SESN2: variants seen among roughly 807,000 people sequenced by gnomAD.
SESN2 encodes sestrin 2, also known as sestrin-2.
A neutral mutation model predicts 56.0 loss-of-function variants in SESN2; 42 were observed. The ratio of observed to expected loss-of-function variants is 0.75; its 90% CI spans 0.59 to 0.97. SESN2 has a LOEUF of 0.97. SESN2 is among the 50% of genes least tolerant of loss of function. SESN2 has a pLI of 0.00. For synonymous variants in SESN2, 264 were observed against 267.1 expected, an observed-to-expected ratio of 0.99 and a Z score of 0.11; for missense variants, 507 against 649.4, an observed-to-expected ratio of 0.78 and a Z score of 2.38.
intron 1 of SESN2, 151 bp downstream of exon 1, chr1:28,260,088 G>A (rs1647315721): frequency 9.6e-6 from 5 of 521,514 alleles, no homozygotes; most frequent in Non-Finnish European, 1.3e-5. Context: ...ACTGGCAGCC[G>A]CGGCCCTCGG....
chr1:28,261,549 C>T (rs1372267031), intron 1 of SESN2, among the ~76,000 whole-genome samples: 1 of 152,088 alleles, frequency 6.6e-6, no homozygotes, highest in Admixed American at 6.6e-5. Flanking sequence ...ATAGTAACTG[C>T]GTGATACTTG....
chr1:28,264,276 G>A (rs1237332598), intron 1 of SESN2, among the ~76,000 whole-genome samples: 2 of 151,704 alleles, frequency 1.3e-5, no homozygotes, highest in Non-Finnish European at 2.9e-5. Flanking sequence ...CCAAGATCAC[G>A]CAACTGCACT....
At chr1:28,271,241 A>G (rs1647764367) in intron 2 of SESN2, among the ~76,000 whole-genome samples, 1 of 152,164 alleles carries the variant, frequency 6.6e-6, no homozygotes, top group Admixed American at 6.6e-5. Flanking sequence ...TGGAGACAGC[A>G]CTCAGGAAAT....
At chr1:28,273,992 T>G (rs777523043) in intron 6 of SESN2, 48 bp from the exon 7 acceptor site, 1 of 1,229,840 alleles carries the variant, frequency 8.1e-7, no homozygotes, top group Non-Finnish European at 1.2e-6. Flanking sequence ...AATGGACCCC[T>G]GCATGCCCCA....
At chr1:28,267,769 A>G (rs541362648) in intron 1 of SESN2, among the ~76,000 whole-genome samples, 2 of 152,314 alleles carry the variant, frequency 1.3e-5, no homozygotes, top group South Asian at 2.1e-4. Flanking sequence ...TGCAGCATAT[A>G]ACAGGTCAAA....
chr1:28,268,782 T>C (rs1270895042), intron 1 of SESN2, among the ~76,000 whole-genome samples: 1 of 152,180 alleles, frequency 6.6e-6, no homozygotes, highest in Non-Finnish European at 1.5e-5. Context: ...AAATTGAAGC[T>C]GCTTCTGAAG....
chr1:28,260,124 TCTCC>T (rs1400006336), intron 1 of SESN2, among the ~76,000 whole-genome samples, 187 bp downstream of exon 1: 1 of 77,060 alleles, frequency 1.3e-5, no homozygotes, highest in Non-Finnish European at 2.6e-5. Flanking sequence ...CTGTCTCCCC[TCTCC>T]CTCCTTCTCC....
At chr1:28,269,572 C>T (rs922135812) in intron 2 of SESN2, among the ~76,000 whole-genome samples, 1 of 152,014 alleles carries the variant, frequency 6.6e-6, no homozygotes, top group African/African-American at 2.4e-5. Flanking sequence ...CATCCATGAC[C>T]ATACATATAT....
chr1:28,280,018 A>G (rs1359412702), intron 9 of SESN2, among the ~76,000 whole-genome samples: 1 of 151,792 alleles, frequency 6.6e-6, no homozygotes, highest in East Asian at 1.9e-4. Context: ...TTAAATTCCT[A>G]GTAGAGATAA....
At chr1:28,269,069 A>G in intron 1 of SESN2, 114 bp from the exon 2 acceptor site, 1 of 624,780 alleles carries the variant, frequency 1.6e-6, no homozygotes, top group Non-Finnish European at 2.7e-6. Flanking sequence ...TATGCTAGAA[A>G]GGTGGGTTTA....
chr1:28,265,489 G>A (rs1266449695), intron 1 of SESN2, among the ~76,000 whole-genome samples: 2 of 152,122 alleles, frequency 1.3e-5, no homozygotes, highest in African/African-American at 4.8e-5. Flanking sequence ...CACCTCCTGG[G>A]TTCAAGCAAT....
chr1:28,275,270 C>A (rs1396726067), intron 8 of SESN2, among the ~76,000 whole-genome samples: 1 of 151,192 alleles, frequency 6.6e-6, no homozygotes, highest in African/African-American at 2.4e-5. Flanking sequence ...CACACATACT[C>A]ACACATATAT....
At chr1:28,276,114 T>C (rs1050372288) in intron 8 of SESN2, among the ~76,000 whole-genome samples, 5 of 149,684 alleles carry the variant, frequency 3.3e-5, no homozygotes, top group Admixed American at 6.6e-5. Flanking sequence ...ACCACTGTGC[T>C]CCAGCCTGGG....
chr1:28,259,958 G>A (rs958320654), intron 1 of SESN2, 21 bp downstream of exon 1: 16 of 1,487,180 alleles, frequency 1.1e-5, no homozygotes, highest in Non-Finnish European at 1.4e-5. Context: ...GCCGCGCGAC[G>A]CCCCTCTTCC....
rs921486869 is a variant in SESN2 at position 28,281,843 on chromosome 1, C to T, written c.*1041C>T. 7.9e-5 allele frequency: 12 copies of T among 152,274 alleles called. No homozygotes were observed. Among genetic ancestry groups the T allele is most frequent in the African/African-American group, 2.9e-4 (12 of 41,454 alleles). 9.4% of individuals were successfully genotyped at this position (152,274 alleles called of 1,614,324 possible). On this transcript the variant is annotated 3_prime_UTR_variant, in exon 10 of 10. Transcript: ENST00000253063. Reference sequence around the variant, plus strand: ...TACATTGCCAAACCTCTGACTGCCACAGCTGCAGACTGAGAGGGTGGGTCT... The same window carrying T: ...TACATTGCCAAACCTCTGACTGCCATAGCTGCAGACTGAGAGGGTGGGTCT...
At chr1:28,275,616 G>A (rs886302476) in intron 8 of SESN2, among the ~76,000 whole-genome samples, 11 of 152,034 alleles carry the variant, frequency 7.2e-5, no homozygotes, top group African/African-American at 2.2e-4. Flanking sequence ...GCTGGGTGTG[G>A]TGGTAGACAT....
intron 2 of SESN2, among the ~76,000 whole-genome samples, chr1:28,269,983 G>C (rs573316751): frequency 6.6e-6 from 1 of 152,270 alleles, no homozygotes; most frequent in South Asian, 2.1e-4. Context: ...TGGGATAGTG[G>C]AGTTACCTTC....
intron 2 of SESN2, among the ~76,000 whole-genome samples, chr1:28,270,667 G>T (rs1365069919): frequency 6.6e-6 from 1 of 151,952 alleles, no homozygotes; most frequent in East Asian, 1.9e-4. Context: ...TGCCTCCCAG[G>T]TTCAAGCAAT....
In SESN2 at chr1:28,274,995, C is replaced by G; in HGVS notation, c.1191C>G (p.Ile397Met). The G allele has an allele frequency of 6.2e-7, 1 of 1,613,502 alleles. No individual in the cohort carries two copies. The highest frequency in any genetic ancestry group is 8.5e-7 in the Non-Finnish European group (1 of 1,179,494). ...SVLRRAIWNYIHCVFGIRYDD... is the reference protein window; with the variant it reads ...SVLRRAIWNYMHCVFGIRYDD... ...TCCGCAGGGCCATCTGGAACTATAT[C>G]CACTGCGTCTTTGGCATCAGGTGAG... Residue 397 changes from isoleucine (I) to methionine (M), a missense_variant, in exon 8 of 10, where the codon ATC becomes ATG. By Grantham distance (10) the Ile-to-Met change is conservative (BLOSUM62 1). Coordinates refer to ENST00000253063, the MANE Select transcript of SESN2 (RefSeq NM_031459.5).
Sources: allele counts gnomAD v4.1 joint callset (sites outside exome capture counted in the v4.1 genomes callset), GRCh38; gene constraint gnomAD v4.1.1; transcripts MANE v1.5; gene names NCBI Gene and HGNC (gene_info 2026-07-23, HGNC 2026-07-21).